The following SMURF2 variants were observed in gnomAD, a reference collection of about 807,000 sequenced individuals.
SMURF2 encodes SMAD specific E3 ubiquitin protein ligase 2.
In SMURF2, 48 loss-of-function variants were observed where a neutral mutation model predicts 109.6. That is an observed-to-expected ratio of 0.44 (90% confidence interval 0.35 to 0.56). SMURF2 has a LOEUF of 0.56. SMURF2 is among the 20% of genes least tolerant of loss of function. The probability of loss-of-function intolerance (pLI) is 0.01; values close to 1 mark genes in which losing one functional copy is unlikely to be tolerated. For synonymous variants in SMURF2, 288 were observed against 317.1 expected, an observed-to-expected ratio of 0.91 and a Z score of 0.97; for missense variants, 575 against 909.0, an observed-to-expected ratio of 0.63 and a Z score of 4.72.
intron 10 of SMURF2, among the ~76,000 whole-genome samples, chr17:64,564,290 AGAAAT>A (rs1969270197): frequency 6.6e-6 from 1 of 152,372 alleles, no homozygotes; most frequent in African/African-American, 2.4e-5. Flanking sequence ...AACAATACAA[AGAAAT>A]GAACTATGTA....
chr17:64,658,119 C>T (rs1970729160), intron 1 of SMURF2, among the ~76,000 whole-genome samples: 2 of 152,134 alleles, frequency 1.3e-5, no homozygotes, highest in East Asian at 1.9e-4. Flanking sequence ...CACTGGAAGG[C>T]TAAGGCGGGC....
intron 1 of SMURF2, among the ~76,000 whole-genome samples, chr17:64,632,646 A>G (rs1970366643): frequency 6.6e-6 from 1 of 152,224 alleles, no homozygotes; most frequent in Non-Finnish European, 1.5e-5. Flanking sequence ...GAAGGGGAAA[A>G]TGAGACAAGT....
chr17:64,650,619 T>G (rs1970624037), intron 1 of SMURF2, among the ~76,000 whole-genome samples: 1 of 151,140 alleles, frequency 6.6e-6, no homozygotes, highest in African/African-American at 2.4e-5. Context: ...TCACTTGAGG[T>G]CAGGAGTTCG....
chr17:64,646,381 CTTT>C (rs201259541), intron 1 of SMURF2, among the ~76,000 whole-genome samples: 3 of 114,456 alleles, frequency 2.6e-5, no homozygotes, highest in Admixed American at 9.2e-5. Context: ...TTTTTTCTTT[CTTT>C]TTTTTTTTTT....
chr17:64,636,829 C>T (rs578246162), intron 1 of SMURF2, among the ~76,000 whole-genome samples: 37 of 151,352 alleles, frequency 2.4e-4, no homozygotes, highest in Admixed American at 7.2e-4. Context: ...TATACTAGAC[C>T]CTTATCAGGT....
chr17:64,606,685 T>C, intron 1 of SMURF2, 45 bp from the exon 2 acceptor site: 1 of 1,348,440 alleles, frequency 7.4e-7, no homozygotes, highest in Non-Finnish European at 1.0e-6. Flanking sequence ...AATTAAAATG[T>C]TAAGAGTGTA....
At chr17:64,639,930 T>C (rs1970472505) in intron 1 of SMURF2, among the ~76,000 whole-genome samples, 1 of 152,192 alleles carries the variant, frequency 6.6e-6, no homozygotes, top group African/African-American at 2.4e-5. Context: ...TCGGAATAAA[T>C]ATGGATTTTA....
intron 1 of SMURF2, among the ~76,000 whole-genome samples, chr17:64,613,975 TAAG>T (rs1321975334): frequency 6.6e-6 from 1 of 151,926 alleles, no homozygotes; most frequent in Non-Finnish European, 1.5e-5. Context: ...TAGATTCTTA[TAAG>T]GAGGGGCAAC....
chr17:64,633,767 T>C (rs1970378039), intron 1 of SMURF2, among the ~76,000 whole-genome samples: 1 of 152,120 alleles, frequency 6.6e-6, no homozygotes, highest in Non-Finnish European at 1.5e-5. Flanking sequence ...AGGTAACTTA[T>C]AAACACAGGC....
chr17:64,579,394 T>C (rs1568181921), intron 8 of SMURF2, among the ~76,000 whole-genome samples: 1 of 152,096 alleles, frequency 6.6e-6, no homozygotes, highest in Non-Finnish European at 1.5e-5. Context: ...AAATCTAATT[T>C]GTTTATAAAC....
In SMURF2 at chr17:64,597,445, A is replaced by T. The variant is rs146659389; in HGVS notation, c.200+937T>A. Among the ~76,000 whole-genome samples, 920 of 152,234 alleles carry T rather than the reference A, an allele frequency of 6.0e-3. 4 individuals carry two copies. The highest frequency in any genetic ancestry group is 0.021 in the African/African-American group (868 of 41,534). ...AAGAATTTTTAATAATAAAAAATAA[A>T]GCCGAATCATCTTCTAGGTAGGAAA... On this transcript the variant is annotated intron_variant, in intron 3 of 18. Transcript: ENST00000262435.
At chr17:64,602,979 A>G (rs1969918941) in intron 2 of SMURF2, among the ~76,000 whole-genome samples, 1 of 152,098 alleles carries the variant, frequency 6.6e-6, no homozygotes, top group African/African-American at 2.4e-5. Flanking sequence ...TTTCTGAGAC[A>G]TGTAAAATAG....
chr17:64,651,148 G>A (rs1970632590), intron 1 of SMURF2, among the ~76,000 whole-genome samples: 1 of 152,144 alleles, frequency 6.6e-6, no homozygotes, highest in Admixed American at 6.6e-5. Flanking sequence ...AGTGAGCTGA[G>A]ATCGCGCCAT....
intron 2 of SMURF2, among the ~76,000 whole-genome samples, chr17:64,599,641 C>G (rs1488632805): frequency 6.6e-6 from 1 of 152,192 alleles, no homozygotes; most frequent in Non-Finnish European, 1.5e-5. Flanking sequence ...AGCTGGAACC[C>G]TATGGTGAAC....
At chr17:64,567,875 G>A in intron 10 of SMURF2, among the ~76,000 whole-genome samples, 1 of 126,398 alleles carries the variant, frequency 7.9e-6, no homozygotes, top group Admixed American at 8.4e-5. Flanking sequence ...TTTTTTTTGA[G>A]ACGGAGTTTC....
intron 1 of SMURF2, among the ~76,000 whole-genome samples, chr17:64,624,182 C>T (rs8064907): frequency 1.3e-5 from 2 of 151,960 alleles, no homozygotes; most frequent in Non-Finnish European, 2.9e-5. Context: ...AACCTTAATA[C>T]GATATCAAAA....
intron 1 of SMURF2, among the ~76,000 whole-genome samples, chr17:64,639,613 G>A (rs1970467999): frequency 6.6e-6 from 1 of 151,978 alleles, no homozygotes; most frequent in African/African-American, 2.4e-5. Context: ...TAGTTTCAAA[G>A]AGATAATAGC....
intron 13 of SMURF2, among the ~76,000 whole-genome samples, chr17:64,557,079 T>A (rs1040169700): frequency 1.3e-5 from 2 of 152,360 alleles, no homozygotes; most frequent in Non-Finnish European, 2.9e-5. Flanking sequence ...AACTGCTAAC[T>A]TCTGTTGAGT....
Position 64,661,919 on chromosome 17 carries a change from C to G in SMURF2, c.-39G>C, listed in dbSNP as rs1970785854. On this transcript the variant is annotated 5_prime_UTR_variant, in exon 1 of 19. Coordinates refer to ENST00000262435, the MANE Select transcript of SMURF2 (RefSeq NM_022739.4). Reference sequence around the variant, plus strand: ...GGGGCGGCGGGGGCGGCGGGCGGCACGGGGGCGACGGCGAGGCGCGGCGGA... The same window carrying G: ...GGGGCGGCGGGGGCGGCGGGCGGCAGGGGGGCGACGGCGAGGCGCGGCGGA... 1 of 1,164,790 alleles carries G rather than the reference C, an allele frequency of 8.6e-7. No individual in the cohort carries two copies. The highest frequency in any genetic ancestry group is 1.6e-5 in the African/African-American group (1 of 61,386). 72.2% of individuals were successfully genotyped at this position (1,164,790 alleles called of 1,614,324 possible). A position where few individuals can be genotyped will look rare whatever the true frequency, so the allele number is the denominator to read the frequency against.
Sources: allele counts gnomAD v4.1 joint callset (sites outside exome capture counted in the v4.1 genomes callset), GRCh38; gene constraint gnomAD v4.1.1; transcripts MANE v1.5; gene names NCBI Gene and HGNC (gene_info 2026-07-23, HGNC 2026-07-21).